CACNA2D3: variants seen among roughly 807,000 people sequenced by gnomAD.
CACNA2D3 encodes the protein calcium voltage-gated channel auxiliary subunit alpha2delta 3.
Under a neutral mutation model 160.6 loss-of-function variants are expected in CACNA2D3, and 60 were observed. The ratio of observed to expected loss-of-function variants is 0.37; its 90% CI spans 0.30 to 0.46. The LOEUF (loss-of-function observed/expected upper bound fraction) is 0.46, where lower values mean the gene tolerates loss of function less well. CACNA2D3 is among the 20% of genes least tolerant of loss of function. The probability of loss-of-function intolerance (pLI) is 1.00; values close to 1 mark genes in which losing one functional copy is unlikely to be tolerated. For missense variants in CACNA2D3, 1,205 were observed against 1,365.0 expected (o/e 0.88, Z 1.85); for synonymous variants, 558 against 492.9 (o/e 1.13, Z -1.75).
intron 5 of CACNA2D3, among the ~76,000 whole-genome samples, chr3:54,562,278 A>T (rs1702338028): frequency 6.6e-6 from 1 of 152,210 alleles, no homozygotes; most frequent in Admixed American, 6.5e-5. Context: ...TGAACAGAAG[A>T]AGTAGAGAGA....
At chr3:54,383,958 C>G (rs1164284576) in intron 3 of CACNA2D3, among the ~76,000 whole-genome samples, 1 of 152,098 alleles carries the variant, frequency 6.6e-6, no homozygotes, top group African/African-American at 2.4e-5. Flanking sequence ...CATGACTGTA[C>G]AGTATACATA....
chr3:54,475,311 C>T lies in CACNA2D3; in HGVS notation c.382-28181C>T, dbSNP rs183228240. Reference sequence around the variant, plus strand: ...TAATCTGGGGCAGAAAATCCCCTAGCTTTGCCAGTGATCTGCTTGTTGGAG... The same window carrying T: ...TAATCTGGGGCAGAAAATCCCCTAGTTTTGCCAGTGATCTGCTTGTTGGAG... On this transcript the variant is annotated intron_variant, in intron 4 of 37. Transcript: ENST00000474759. Among the ~76,000 whole-genome samples, 391 of 152,274 alleles carry T rather than the reference C, an allele frequency of 2.6e-3. 1 individual carries two copies. The highest frequency in any genetic ancestry group is 9.0e-3 in the African/African-American group (372 of 41,546).
chr3:54,501,148 C>T (rs2106941347), intron 4 of CACNA2D3, among the ~76,000 whole-genome samples: 1 of 152,234 alleles, frequency 6.6e-6, no homozygotes, highest in Admixed American at 6.5e-5. Flanking sequence ...CCCTCATGGC[C>T]TATTCATCTC....
intron 4 of CACNA2D3, among the ~76,000 whole-genome samples, chr3:54,452,627 T>C (rs1300441665): frequency 6.6e-6 from 1 of 152,218 alleles, no homozygotes; most frequent in Non-Finnish European, 1.5e-5. Context: ...GTTTAGGTAC[T>C]TGTCACAGCA....
Position 54,888,033 on chromosome 3 carries a change from C to T in CACNA2D3, c.2131C>T (p.Leu711=). 1 of 1,613,848 alleles carries T rather than the reference C, an allele frequency of 6.2e-7. No individual in the cohort carries two copies. The highest frequency in any genetic ancestry group is 8.5e-7 in the Non-Finnish European group (1 of 1,179,768). The change falls in exon 24 of 38, where the codon CTG becomes TTG. Residue 711 remains leucine (L), a synonymous_variant. Coordinates refer to ENST00000474759, the MANE Select transcript of CACNA2D3 (RefSeq NM_018398.3). ...SAPIEAYWTS[L]ALNKSENSDK... The stretch of plus-strand genomic sequence containing the variant: ...CCCCATTGAAGCGTATTGGACCAGC[C>T]TGGCCCTCAACAAATCTGAGTAAGT...
At chr3:54,676,791 T>C (rs1017691317) in intron 11 of CACNA2D3, among the ~76,000 whole-genome samples, 1 of 152,152 alleles carries the variant, frequency 6.6e-6, no homozygotes, top group African/African-American at 2.4e-5. Flanking sequence ...AAGTTCGATT[T>C]AGATTGCTCT....
Position 54,337,419 on chromosome 3 carries a change from C to G in CACNA2D3, c.321+16861C>G, listed in dbSNP as rs143888617. 1.3e-3 allele frequency among the ~76,000 whole-genome samples: 195 copies of G among 152,314 alleles called. 2 individuals are homozygous for G. The highest frequency in any genetic ancestry group is 4.4e-3 in the African/African-American group (185 of 41,574). On this transcript the variant is annotated intron_variant, in intron 3 of 37. Transcript: ENST00000474759. ...GTATGTCCAACTCCAGAGTCCAGAT[C>G]CATCAGTGACATTGCTGCACAGCCT... is the stretch of plus-strand genomic sequence containing the variant.
intron 27 of CACNA2D3, among the ~76,000 whole-genome samples, chr3:54,946,700 A>G (rs1332759083): frequency 1.3e-5 from 2 of 152,182 alleles, no homozygotes; most frequent in East Asian, 1.9e-4. Context: ...TCAGAAAAGC[A>G]TGTTGCTTTG....
chr3:54,776,236 G>C (rs574211798), intron 13 of CACNA2D3, among the ~76,000 whole-genome samples: 30 of 152,336 alleles, frequency 2.0e-4, no homozygotes, highest in African/African-American at 7.2e-4. Context: ...TCGGGAGGCT[G>C]CCTGCAGTGG....
At chr3:54,791,894 A>G (rs2106648732) in intron 13 of CACNA2D3, among the ~76,000 whole-genome samples, 1 of 152,322 alleles carries the variant, frequency 6.6e-6, no homozygotes, top group South Asian at 2.1e-4. Flanking sequence ...GACTTTTCAC[A>G]TGAGCCCAGC....
At chr3:55,035,285 C>T (rs1703788721) in intron 35 of CACNA2D3, among the ~76,000 whole-genome samples, 1 of 152,138 alleles carries the variant, frequency 6.6e-6, no homozygotes, top group Non-Finnish European at 1.5e-5. Flanking sequence ...ACTTTTCTAG[C>T]AGGGTGCCGA....
intron 2 of CACNA2D3, among the ~76,000 whole-genome samples, chr3:54,133,915 G>A (rs1699766525): frequency 1.3e-5 from 2 of 152,188 alleles, no homozygotes; most frequent in Admixed American, 6.5e-5. Flanking sequence ...AGGGCCTCAA[G>A]TTCCTTACCT....
At chr3:54,221,183 T>C (rs1005007595) in intron 2 of CACNA2D3, among the ~76,000 whole-genome samples, 2 of 152,240 alleles carry the variant, frequency 1.3e-5, no homozygotes, top group Admixed American at 6.5e-5. Context: ...AGGCATTTTG[T>C]TGAGTGCTGA....
At chr3:55,073,969 TTTCA>T (rs111833275) in intron 37 of CACNA2D3, 110 bp downstream of exon 37, 130,626 of 1,098,552 alleles carry the variant, frequency 0.12, 8,887 homozygotes, top group Non-Finnish European at 0.13. Context: ...AAATAATCCC[TTTCA>T]TTCAGTAAAC....
chr3:54,618,079 C>T (rs148318916), intron 9 of CACNA2D3, among the ~76,000 whole-genome samples: 4 of 151,656 alleles, frequency 2.6e-5, no homozygotes, highest in Non-Finnish European at 5.9e-5. Flanking sequence ...CTAGTGTTTA[C>T]TGAGTGCCTA....
At chr3:55,011,396 C>A (rs542353554) in intron 34 of CACNA2D3, among the ~76,000 whole-genome samples, 1 of 152,272 alleles carries the variant, frequency 6.6e-6, no homozygotes, top group East Asian at 1.9e-4. Context: ...AGGACATAAA[C>A]CTGGATGGGA....
At position 54,123,314 on chromosome 3, in the gene CACNA2D3, C is replaced by T. The variant is rs1448111967; in HGVS notation, c.123-199C>T. ...GCATTCTTAACTCCGCGACCCCCCT[C>T]GGGCCCCCTCCCGCGCTGCGCTTTG... On this transcript the variant is annotated intron_variant, in intron 1 of 37. Transcript: ENST00000474759. The T allele has an allele frequency of 1.6e-5, 9 of 577,958 alleles. No individual in the cohort carries two copies. In the Admixed American group the frequency reaches 2.4e-4, roughly 15 times the overall value. 35.8% of individuals were successfully genotyped at this position (577,958 alleles called of 1,614,324 possible).
In CACNA2D3 at chr3:54,258,826, C is replaced by G. The variant is rs555005481; in HGVS notation, c.205-61616C>G. Among the ~76,000 whole-genome samples, 112 of 152,228 alleles carry G rather than the reference C, an allele frequency of 7.4e-4. 1 individual carries two copies. The highest frequency in any genetic ancestry group is 2.5e-3 in the African/African-American group (102 of 41,536). On this transcript the variant is annotated intron_variant, in intron 2 of 37. Transcript: ENST00000474759. ...TCAGAAGTGATTAATAATAAATAAC[C>G]TATGATAGCAAAACTCAGAGAAGTT...
intron 2 of CACNA2D3, among the ~76,000 whole-genome samples, chr3:54,194,301 C>A (rs78080987): frequency 0.036 from 5,531 of 152,258 alleles, 355 homozygotes; most frequent in African/African-American, 0.12. Context: ...GATCCTTACA[C>A]ATTCTATGCA....
Sources: gnomAD v4.1 joint callset for allele counts (sites outside exome capture counted in the v4.1 genomes callset) on GRCh38, gnomAD v4.1.1 for gene constraint, MANE v1.5 for transcripts, NCBI Gene and HGNC (gene_info 2026-07-23, HGNC 2026-07-21) for gene names.